The following MAP3K5 variants were observed in gnomAD, a reference collection of about 807,000 sequenced individuals.
MAP3K5 encodes the protein ASK-1.
MAP3K5 carries 56 observed loss-of-function variants against 158.7 expected under a neutral mutation model. That is an observed-to-expected ratio of 0.35 (90% CI 0.28 to 0.44). The LOEUF (loss-of-function observed/expected upper bound fraction) is 0.44, where lower values mean the gene tolerates loss of function less well. Among genes scored for constraint, MAP3K5 ranks in the 20% least tolerant of loss-of-function variants. The pLI, the probability that MAP3K5 is intolerant of heterozygous loss-of-function variation, is 1.00. For synonymous variants in MAP3K5, 579 were observed against 601.7 expected, an observed-to-expected ratio of 0.96 and a Z score of 0.55; for missense variants, 1,294 against 1,674.8, an observed-to-expected ratio of 0.77 and a Z score of 3.97.
At chr6:136,643,452 C>A (rs1478962312) in intron 11 of MAP3K5, among the ~76,000 whole-genome samples, 2 of 152,134 alleles carry the variant, frequency 1.3e-5, no homozygotes, top group African/African-American at 4.8e-5. Flanking sequence ...GTTAAAACAA[C>A]CATGAAAAGG....
chr6:136,774,781 A>G (rs1172882688), intron 1 of MAP3K5, among the ~76,000 whole-genome samples: 1 of 152,258 alleles, frequency 6.6e-6, no homozygotes, highest in Non-Finnish European at 1.5e-5. Flanking sequence ...CAAGCACTCC[A>G]TTAGGTACTA....
At chr6:136,733,629 A>AC (rs1254407421) in intron 1 of MAP3K5, among the ~76,000 whole-genome samples, 5 of 152,122 alleles carry the variant, frequency 3.3e-5, no homozygotes, top group African/African-American at 1.2e-4. Context: ...AAACAAACAA[A>AC]AAAAACCTTT....
At chr6:136,760,958 G>C (rs1000772761) in intron 1 of MAP3K5, among the ~76,000 whole-genome samples, 7 of 152,132 alleles carry the variant, frequency 4.6e-5, no homozygotes, top group Non-Finnish European at 1.0e-4. Context: ...GACAGAGCAA[G>C]ACTCTGTCTC....
At chr6:136,737,259 G>A (rs942114727) in intron 1 of MAP3K5, among the ~76,000 whole-genome samples, 18 of 152,130 alleles carry the variant, frequency 1.2e-4, no homozygotes, top group East Asian at 3.9e-4. Context: ...GGAAGGGGGC[G>A]AGGGTTGAAG....
At chr6:136,718,169 T>A (rs1386743020) in intron 2 of MAP3K5, among the ~76,000 whole-genome samples, 1 of 152,178 alleles carries the variant, frequency 6.6e-6, no homozygotes, top group African/African-American at 2.4e-5. Context: ...AGAAAATACA[T>A]CTTACAGAGC....
chr6:136,595,511 T>G (rs1562532375), intron 21 of MAP3K5, among the ~76,000 whole-genome samples: 1 of 152,168 alleles, frequency 6.6e-6, no homozygotes, highest in African/African-American at 2.4e-5. Flanking sequence ...CTACTATATG[T>G]CAGGTAGCCA....
chr6:136,785,548 G>A (rs1784807492), intron 1 of MAP3K5, among the ~76,000 whole-genome samples: 1 of 152,142 alleles, frequency 6.6e-6, no homozygotes. Flanking sequence ...GGAGTGAGGT[G>A]GCCTTGAGCA....
intron 7 of MAP3K5, among the ~76,000 whole-genome samples, chr6:136,677,463 C>G (rs1299378996): frequency 6.6e-6 from 1 of 152,146 alleles, no homozygotes; most frequent in Non-Finnish European, 1.5e-5. Context: ...AAGATGCTAT[C>G]TCAGACATTT....
intron 18 of MAP3K5, among the ~76,000 whole-genome samples, chr6:136,606,394 G>C (rs1174593155): frequency 6.6e-6 from 1 of 152,064 alleles, no homozygotes; most frequent in Non-Finnish European, 1.5e-5. Flanking sequence ...AAAGGGAAGA[G>C]CTTTAAGCCT....
At chr6:136,577,805 T>C (rs764538086) in intron 25 of MAP3K5, among the ~76,000 whole-genome samples, 3 of 152,268 alleles carry the variant, frequency 2.0e-5, no homozygotes, top group Non-Finnish European at 4.4e-5. Flanking sequence ...GGCATGTTTT[T>C]CAGAATGATT....
chr6:136,640,072 C>A (rs942713728), intron 12 of MAP3K5, among the ~76,000 whole-genome samples: 8 of 152,194 alleles, frequency 5.3e-5, no homozygotes, highest in Non-Finnish European at 1.2e-4. Context: ...AGTAAAAGCA[C>A]CTCATTCATT....
chr6:136,655,707 AGTGTGT>A lies in MAP3K5; in HGVS notation c.1680+594_1680+599del, dbSNP rs61536898. Among the ~76,000 whole-genome samples, 298 of 150,000 alleles carry A rather than the reference AGTGTGT, an allele frequency of 2.0e-3. 3 individuals carry two copies. The highest frequency in any genetic ancestry group is 7.2e-3 in the South Asian group (34 of 4,700). On this transcript the variant is annotated intron_variant, in intron 10 of 29. Transcript: ENST00000359015. ...TGAGAAGAGCAATAAATTTTTTTAA[AGTGTGT>A]GTGTGTGTGTGTGTGTGTGTGTGTA...
At chr6:136,576,060 G>A (rs562045194) in intron 25 of MAP3K5, among the ~76,000 whole-genome samples, 4 of 151,836 alleles carry the variant, frequency 2.6e-5, no homozygotes, top group Admixed American at 6.6e-5. Context: ...TTTATCAGTC[G>A]CAATTCTACT....
chr6:136,616,650 T>C (rs1184837277), intron 15 of MAP3K5, among the ~76,000 whole-genome samples: 1 of 152,068 alleles, frequency 6.6e-6, no homozygotes, highest in East Asian at 1.9e-4. Context: ...ACTGTGCCTC[T>C]GTATTCTACA....
At chr6:136,781,184 T>G (rs1784599547) in intron 1 of MAP3K5, among the ~76,000 whole-genome samples, 1 of 152,224 alleles carries the variant, frequency 6.6e-6, no homozygotes, top group African/African-American at 2.4e-5. Flanking sequence ...AGGCTAGTTT[T>G]GGTCTATCGC....
At chr6:136,726,219 C>A (rs9389431) in intron 1 of MAP3K5, among the ~76,000 whole-genome samples, 77,893 of 152,026 alleles carry the variant, frequency 0.51, 20,418 homozygotes, top group African/African-American at 0.63. Context: ...TGATAGCTAC[C>A]AAAAAATCCT....
intron 15 of MAP3K5, 92 bp from the exon 16 acceptor site, chr6:136,614,378 A>G (rs953382981): frequency 3.6e-6 from 5 of 1,398,156 alleles, no homozygotes; most frequent in Non-Finnish European, 3.9e-6. Context: ...TCAGCCAAAT[A>G]TATGTCCATA....
chr6:136,704,950 A>G (rs1230407667), intron 3 of MAP3K5, among the ~76,000 whole-genome samples, 160 bp downstream of exon 3: 1 of 152,208 alleles, frequency 6.6e-6, no homozygotes, highest in East Asian at 1.9e-4. Context: ...ACTACAATGA[A>G]GTACTTAGAT....
intron 1 of MAP3K5, among the ~76,000 whole-genome samples, chr6:136,790,799 A>C (rs1164448058): frequency 6.6e-6 from 1 of 152,244 alleles, no homozygotes; most frequent in African/African-American, 2.4e-5. Context: ...CTGGACGTAC[A>C]GGGGACTAAA....
Sources: allele counts gnomAD v4.1 joint callset (sites outside exome capture counted in the v4.1 genomes callset), GRCh38; gene constraint gnomAD v4.1.1; transcripts MANE v1.5; gene names NCBI Gene and HGNC (gene_info 2026-07-23, HGNC 2026-07-21).